The following MTHFD2L variants were observed in gnomAD, a reference collection of about 807,000 sequenced individuals.
MTHFD2L encodes bifunctional methylenetetrahydrofolate dehydrogenase/cyclohydrolase 2, mitochondrial.
Under a neutral mutation model 34.9 loss-of-function variants are expected in MTHFD2L, and 29 were observed. The observed-to-expected ratio is 0.83, with a 90% CI of 0.62 to 1.13. The LOEUF (loss-of-function observed/expected upper bound fraction) is 1.13. Among genes scored for constraint, MTHFD2L ranks in the 50% most tolerant of loss-of-function variants. The pLI is 0.00. For missense variants in MTHFD2L, 481 were observed against 446.5 expected, an observed-to-expected ratio of 1.08 and a Z score of -0.70; for synonymous variants, 167 against 155.7, an observed-to-expected ratio of 1.07 and a Z score of -0.54.
At chr4:74,159,909 G>T (rs923289560) in intron 1 of MTHFD2L, 24 of 240,302 alleles carry the variant, frequency 1.0e-4, no homozygotes, top group African/African-American at 5.3e-4. Flanking sequence ...TAAGGCGGGG[G>T]TTTTGACGCC....
intron 4 of MTHFD2L, among the ~76,000 whole-genome samples, chr4:74,200,928 A>G (rs1387847327): frequency 1.3e-5 from 2 of 152,132 alleles, no homozygotes; most frequent in African/African-American, 4.8e-5. Context: ...TAAGTTCGAC[A>G]TTGTTGTACT....
At chr4:74,144,728 G>T (rs770744488) in intron 1 of MTHFD2L, among the ~76,000 whole-genome samples, 4 of 151,938 alleles carry the variant, frequency 2.6e-5, no homozygotes, top group African/African-American at 9.7e-5. Context: ...ATGTCCCATG[G>T]CTCACTGTTG....
chr4:74,248,211 G>C (rs920859017), intron 6 of MTHFD2L, among the ~76,000 whole-genome samples: 2 of 152,230 alleles, frequency 1.3e-5, no homozygotes, highest in Non-Finnish European at 2.9e-5. Context: ...AGTCTTGGGA[G>C]AGTGTATGTG....
intron 1 of MTHFD2L, among the ~76,000 whole-genome samples, chr4:74,158,673 C>T (rs200446741): frequency 1.3e-5 from 2 of 152,280 alleles, no homozygotes; most frequent in East Asian, 1.9e-4. Context: ...AGATGACTTA[C>T]TAATGTTTGC....
intron 7 of MTHFD2L, among the ~76,000 whole-genome samples, chr4:74,300,232 T>C (rs1750126082): frequency 1.3e-5 from 2 of 151,992 alleles, no homozygotes; most frequent in Admixed American, 1.3e-4. Context: ...CATCAGAAAA[T>C]TCATAACACA....
intron 5 of MTHFD2L, among the ~76,000 whole-genome samples, chr4:74,215,626 G>C (rs908706971): frequency 1.3e-5 from 2 of 151,660 alleles, no homozygotes; most frequent in Admixed American, 1.3e-4. Context: ...CTGCAGACTG[G>C]AGCTGCTCCT....
chr4:74,195,472 G>A (rs1234186191), intron 3 of MTHFD2L: 2 of 152,170 alleles, frequency 1.3e-5, no homozygotes, highest in East Asian at 3.8e-4. Flanking sequence ...CTGATAAAGT[G>A]CTAGATATAT....
At chr4:74,247,261 C>G (rs982344117) in intron 6 of MTHFD2L, among the ~76,000 whole-genome samples, 6 of 151,712 alleles carry the variant, frequency 4.0e-5, no homozygotes, top group African/African-American at 1.5e-4. Flanking sequence ...GGAGTTCACT[C>G]ATGATTTGGC....
At chr4:74,271,252 A>G (rs565563421) in intron 6 of MTHFD2L, among the ~76,000 whole-genome samples, 13 of 152,318 alleles carry the variant, frequency 8.5e-5, no homozygotes, top group South Asian at 4.1e-4. Context: ...GCCCATGCCT[A>G]TGCCTTGAAT....
intron 5 of MTHFD2L, among the ~76,000 whole-genome samples, chr4:74,225,009 A>C (rs1316248292): frequency 6.6e-6 from 1 of 152,136 alleles, no homozygotes; most frequent in Non-Finnish European, 1.5e-5. Flanking sequence ...TGTATTAAGC[A>C]GTCAACACAG....
chr4:74,174,282 T>C (rs568362343), intron 1 of MTHFD2L, among the ~76,000 whole-genome samples: 10 of 152,158 alleles, frequency 6.6e-5, no homozygotes, highest in Non-Finnish European at 1.5e-4. Context: ...ATTCATTTTA[T>C]AGCAGATAGA....
chr4:74,196,419 G>C (rs1259565761), intron 3 of MTHFD2L, among the ~76,000 whole-genome samples: 2 of 152,006 alleles, frequency 1.3e-5, no homozygotes, highest in Non-Finnish European at 2.9e-5. Flanking sequence ...GGTTGGTAAA[G>C]GTATGGAACA....
At chr4:74,225,162 C>T (rs908834684) in intron 5 of MTHFD2L, 140 bp from the exon 6 acceptor site, 11 of 651,990 alleles carry the variant, frequency 1.7e-5, no homozygotes, top group Non-Finnish European at 2.6e-5. Context: ...TCTTGTATAG[C>T]TTTTGTGCTC....
rs757590085 is a variant in MTHFD2L at position 74,175,418 on chromosome 4, T to C, written c.451+15T>C. 5 of 1,592,010 alleles carry C rather than the reference T, an allele frequency of 3.1e-6. No individual in the cohort carries two copies. The Admixed American group carries it at 9.2e-5, about 29-fold the overall frequency. ...ACCACTACCAGGTACATAATGCTCC[T>C]CTTATTTATCTGATTTTGTTAAAAG... On this transcript the variant is annotated intron_variant, in intron 3 of 7. Transcript: ENST00000325278.
intron 1 of MTHFD2L, among the ~76,000 whole-genome samples, chr4:74,142,094 G>A (rs769693583): frequency 2.6e-5 from 4 of 152,186 alleles, no homozygotes; most frequent in African/African-American, 9.7e-5. Flanking sequence ...AAAACTCACC[G>A]TAATATCCCA....
At chr4:74,286,304 C>G (rs901756760) in intron 7 of MTHFD2L, among the ~76,000 whole-genome samples, 1 of 152,148 alleles carries the variant, frequency 6.6e-6, no homozygotes, top group Non-Finnish European at 1.5e-5. Context: ...AATCATGCAG[C>G]AAATAATTAT....
intron 6 of MTHFD2L, among the ~76,000 whole-genome samples, chr4:74,266,545 G>T (rs1056542801): frequency 6.6e-6 from 1 of 152,188 alleles, no homozygotes; most frequent in Non-Finnish European, 1.5e-5. Context: ...TAGGGATTTT[G>T]CCAGTTCTCC....
chr4:74,246,814 C>T (rs1225563415), intron 6 of MTHFD2L, among the ~76,000 whole-genome samples: 1 of 152,134 alleles, frequency 6.6e-6, no homozygotes, highest in Non-Finnish European at 1.5e-5. Context: ...TTTCTGAGGG[C>T]TCTGCTCTGT....
intron 6 of MTHFD2L, among the ~76,000 whole-genome samples, chr4:74,249,117 A>C (rs1231301437): frequency 6.6e-6 from 1 of 151,884 alleles, no homozygotes; most frequent in Admixed American, 6.6e-5. Flanking sequence ...TGGGAGTCTA[A>C]GTCTCTTTGT....
Sources: gnomAD v4.1 joint callset for allele counts (sites outside exome capture counted in the v4.1 genomes callset) on GRCh38, gnomAD v4.1.1 for gene constraint, MANE v1.5 for transcripts, NCBI Gene and HGNC (gene_info 2026-07-23, HGNC 2026-07-21) for gene names.